Variants in PCDH15 observed in about 807,000 individuals in gnomAD.
PCDH15 encodes the protein protocadherin-15.
A neutral mutation model predicts 178.5 loss-of-function variants in PCDH15; 129 were observed. The observed-to-expected ratio is 0.72, with a 90% CI of 0.63 to 0.84. PCDH15 has a LOEUF of 0.84. Ranked by LOEUF, PCDH15 falls within the 40% of genes least tolerant of loss-of-function variation. The probability of loss-of-function intolerance (pLI) is 0.00; values close to 1 mark genes in which losing one functional copy is unlikely to be tolerated. For missense variants in PCDH15, 2,230 were observed against 2,099.9 expected, an observed-to-expected ratio of 1.06 and a Z score of -1.21; for synonymous variants, 800 against 732.0, an observed-to-expected ratio of 1.09 and a Z score of -1.50.
At chr10:54,888,066 T>A (rs984900357) in intron 3 of PCDH15, among the ~76,000 whole-genome samples, 12 of 152,126 alleles carry the variant, frequency 7.9e-5, no homozygotes, top group African/African-American at 2.9e-4. Flanking sequence ...ATTTCACACA[T>A]GTAAAGCATA....
rs80143777 is a variant in PCDH15 at position 55,429,800 on chromosome 10, T to C, written c.-156+197825A>G. Among the ~76,000 whole-genome samples the C allele has an allele frequency of 4.6e-5, 7 of 152,152 alleles. No individual in the cohort carries two copies. In the East Asian group the frequency reaches 9.6e-4, roughly 21 times the overall value. Reference sequence around the variant, plus strand: ...GTTAACACTTTTAGGTGCAGGAATATCATGTAATTATTTTTAATAAGTAAT... The same window carrying C: ...GTTAACACTTTTAGGTGCAGGAATACCATGTAATTATTTTTAATAAGTAAT... On this transcript the variant is annotated intron_variant, in intron 2 of 5. Coordinates refer to the PCDH15 transcript ENST00000613346.
At chr10:54,234,054 CA>C (rs1337115983) in intron 9 of PCDH15, among the ~76,000 whole-genome samples, 2 of 151,570 alleles carry the variant, frequency 1.3e-5, no homozygotes, top group African/African-American at 4.9e-5. Context: ...CACATATATT[CA>C]GAAGTATTTG....
At chr10:55,307,729 A>C (rs1843469439) in intron 1 of PCDH15, among the ~76,000 whole-genome samples, 1 of 151,840 alleles carries the variant, frequency 6.6e-6, no homozygotes, top group Non-Finnish European at 1.5e-5. Flanking sequence ...CTTGCCCCCC[A>C]AACAAAATAA....
intron 15 of PCDH15, among the ~76,000 whole-genome samples, chr10:54,099,225 G>A (rs1565254906): frequency 1.3e-5 from 2 of 152,138 alleles, no homozygotes; most frequent in African/African-American, 2.4e-5. Context: ...CACAGGCTGG[G>A]CGCAGTGGCT....
At chr10:54,221,136 G>T (rs1382246066) in intron 9 of PCDH15, among the ~76,000 whole-genome samples, 1 of 151,978 alleles carries the variant, frequency 6.6e-6, no homozygotes, top group Non-Finnish European at 1.5e-5. Context: ...ATGTAAAATT[G>T]ATAACTATGT....
intron 2 of PCDH15, among the ~76,000 whole-genome samples, chr10:55,050,349 A>G (rs1841128458): frequency 6.6e-6 from 1 of 151,930 alleles, no homozygotes; most frequent in Admixed American, 6.6e-5. Context: ...TATAATAACA[A>G]AGTACCTTGT....
At chr10:54,596,012 G>A (rs1374419501) in intron 2 of PCDH15, among the ~76,000 whole-genome samples, 2 of 152,102 alleles carry the variant, frequency 1.3e-5, no homozygotes, top group African/African-American at 4.8e-5. Flanking sequence ...CGAAAGAGAT[G>A]AGAAGAAAGA....
chr10:55,076,780 T>A (rs1157061162), intron 2 of PCDH15, among the ~76,000 whole-genome samples: 2 of 143,816 alleles, frequency 1.4e-5, no homozygotes, highest in African/African-American at 5.2e-5. Context: ...TTTTTTTTTT[T>A]TTTTTTTGAG....
At chr10:55,092,107 G>T (rs913574192) in intron 2 of PCDH15, among the ~76,000 whole-genome samples, 1 of 151,734 alleles carries the variant, frequency 6.6e-6, no homozygotes, top group East Asian at 1.9e-4. Flanking sequence ...GAAAAGCTCA[G>T]GTACTAAAAT....
chr10:55,538,603 T>C (rs201379217), intron 2 of PCDH15, among the ~76,000 whole-genome samples: 2 of 58,934 alleles, frequency 3.4e-5, no homozygotes, highest in East Asian at 1.1e-3. Context: ...CCTTCCTTCC[T>C]TTCCTTCCTT....
At chr10:54,397,836 T>C (rs960956645) in intron 3 of PCDH15, among the ~76,000 whole-genome samples, 4 of 151,974 alleles carry the variant, frequency 2.6e-5, no homozygotes, top group African/African-American at 4.8e-5. Flanking sequence ...ATTACAAGGA[T>C]TCTAGACCTT....
intron 3 of PCDH15, among the ~76,000 whole-genome samples, chr10:54,842,806 G>C (rs1435650075): frequency 1.3e-5 from 2 of 151,892 alleles, no homozygotes; most frequent in African/African-American, 4.8e-5. Context: ...TTTGGATAAT[G>C]AAAGTCTTAT....
intron 3 of PCDH15, among the ~76,000 whole-genome samples, chr10:54,423,118 T>A (rs1263409746): frequency 6.6e-6 from 1 of 152,052 alleles, no homozygotes; most frequent in East Asian, 1.9e-4. Flanking sequence ...CTATAAAACT[T>A]CAGCAACCTG....
intron 1 of PCDH15, among the ~76,000 whole-genome samples, chr10:55,292,437 A>C (rs1470848193): frequency 6.6e-6 from 1 of 152,044 alleles, no homozygotes; most frequent in African/African-American, 2.4e-5. Context: ...GCTGGAGTGC[A>C]ATGGCATGAT....
chr10:54,706,849 C>T (rs1395830007), intron 1 of PCDH15, among the ~76,000 whole-genome samples: 1 of 152,134 alleles, frequency 6.6e-6, no homozygotes, highest in Non-Finnish European at 1.5e-5. Context: ...TCTCACACTC[C>T]TGACCTTAGT....
intron 1 of PCDH15, among the ~76,000 whole-genome samples, chr10:54,775,584 G>A (rs1949599989): frequency 6.6e-6 from 1 of 152,068 alleles, no homozygotes; most frequent in Admixed American, 6.6e-5. Context: ...ATTCTATCTA[G>A]CTGTAATTTT....
chr10:54,044,144 A>C (rs1430144943), intron 18 of PCDH15, among the ~76,000 whole-genome samples: 1 of 152,116 alleles, frequency 6.6e-6, no homozygotes, highest in African/African-American at 2.4e-5. Context: ...TGAAGGGAGA[A>C]AAGTACATCT....
At chr10:55,363,568 T>C (rs1159998033) in intron 2 of PCDH15, among the ~76,000 whole-genome samples, 1 of 152,178 alleles carries the variant, frequency 6.6e-6, no homozygotes, top group African/African-American at 2.4e-5. Flanking sequence ...TCATTAGCTA[T>C]AGTTACCAGG....
At chr10:54,700,109 C>A (rs1044698261) in intron 1 of PCDH15, among the ~76,000 whole-genome samples, 1 of 152,072 alleles carries the variant, frequency 6.6e-6, no homozygotes, top group African/African-American at 2.4e-5. Context: ...CTAAACTAAT[C>A]TTTGGCCCCC....
Sources: gnomAD v4.1 joint callset for allele counts (sites outside exome capture counted in the v4.1 genomes callset) on GRCh38, gnomAD v4.1.1 for gene constraint, MANE v1.5 for transcripts, NCBI Gene and HGNC (gene_info 2026-07-23, HGNC 2026-07-21) for gene names.